TTC34: variants seen among roughly 807,000 people sequenced by gnomAD.
TTC34 encodes the protein tetratricopeptide repeat protein 34.
A neutral mutation model predicts 40.7 loss-of-function variants in TTC34; 44 were observed. That is an observed-to-expected ratio of 1.08 (90% CI 0.85 to 1.39). TTC34 has a LOEUF of 1.39. TTC34 is among the 40% of genes most tolerant of loss of function. The probability of loss-of-function intolerance (pLI) is 0.00; values close to 1 mark genes in which losing one functional copy is unlikely to be tolerated. For missense variants in TTC34, 884 were observed against 838.0 expected (o/e 1.05, Z -0.68); for synonymous variants, 422 against 398.6 (o/e 1.06, Z -0.70).
At chr1:2,785,504 C>G (rs896082679) in intron 5 of TTC34, among the ~76,000 whole-genome samples, 5 of 152,142 alleles carry the variant, frequency 3.3e-5, no homozygotes, top group African/African-American at 1.2e-4. Context: ...GCCTCCTTGT[C>G]ATTAGCTAGG....
chr1:2,752,525 C>A (rs1641357081), intron 6 of TTC34, among the ~76,000 whole-genome samples: 7 of 100,644 alleles, frequency 7.0e-5, no homozygotes, highest in East Asian at 2.9e-4. Context: ...TGGAGCAGCA[C>A]CCACATCCCC....
intron 6 of TTC34, among the ~76,000 whole-genome samples, chr1:2,654,053 C>A (rs1167795234): frequency 2.9e-3 from 220 of 76,232 alleles, no homozygotes; most frequent in South Asian, 7.2e-3. Flanking sequence ...CCCACACCAC[C>A]AGGTGAGCAT....
chr1:2,651,926 CAG>C lies in TTC34; in HGVS notation c.2227-6365_2227-6364del, dbSNP rs575432019. Among the ~76,000 whole-genome samples, 14 of 152,300 alleles carry C rather than the reference CAG, an allele frequency of 9.2e-5. No individual in the cohort carries two copies. The East Asian group carries it at 1.7e-3, about 19-fold the overall frequency. On this transcript the variant is annotated intron_variant, in intron 6 of 8. Coordinates refer to ENST00000401095, the Ensembl canonical transcript of TTC34. ...AGAAACTAAGTTGGCACCCTGCACT[CAG>C]GGGAGCATCTGACAGCCTGAAGCAG...
intron 6 of TTC34, among the ~76,000 whole-genome samples, chr1:2,695,873 C>CATA (rs1640841366): frequency 6.7e-6 from 1 of 149,096 alleles, no homozygotes; most frequent in African/African-American, 2.5e-5. Context: ...GCAGAACCCA[C>CATA]ACCCCGAGGC....
chr1:2,651,064 C>T, intron 6 of TTC34, among the ~76,000 whole-genome samples: 1 of 151,110 alleles, frequency 6.6e-6, no homozygotes, highest in East Asian at 2.0e-4. Flanking sequence ...AACGGTATGT[C>T]ACACCCCCAG....
At position 2,764,143 on chromosome 1, in the gene TTC34, T is replaced by G. The variant is rs1210819931; in HGVS notation, c.2226+19466A>C. On this transcript the variant is annotated intron_variant, in intron 6 of 8. Transcript: ENST00000401095. ...ACAGCCTGGAACAGAACCCCACTCT[T>G]CCAGGTGAGAATCTGACGCATAAAA... Among the ~76,000 whole-genome samples, 24 of 138,444 alleles carry G rather than the reference T, an allele frequency of 1.7e-4. 1 individual carries two copies. Among genetic ancestry groups the G allele is most frequent in the Admixed American group, 1.3e-3 (18 of 13,630 alleles). The allele number at this position is 138,444 out of a possible 152,430, so 90.8% of individuals were successfully genotyped here. A position where few individuals can be genotyped will look rare whatever the true frequency, so the allele number is the denominator to read the frequency against.
rs1399525769 is a variant in TTC34 at position 2,690,996 on chromosome 1, C to T, written c.2227-45433G>A. 5.5e-5 allele frequency among the ~76,000 whole-genome samples: 4 copies of T among 72,424 alleles called. 2 individuals are homozygous for T. The highest frequency in any genetic ancestry group is 2.7e-4 in the Admixed American group (2 of 7,354). 47.5% of individuals were successfully genotyped at this position (72,424 alleles called of 152,430 possible). A position where few individuals can be genotyped will look rare whatever the true frequency, so the allele number is the denominator to read the frequency against. On this transcript the variant is annotated intron_variant, in intron 6 of 8. Transcript: ENST00000401095. ...GCACCCACACCCCTAGGAGAGCATC[C>T]GGCAGCCTGGAGCGGAACCCACACC...
chr1:2,791,154 TG>T (rs1475950433), intron 2 of TTC34, among the ~76,000 whole-genome samples: 2 of 150,740 alleles, frequency 1.3e-5, no homozygotes, highest in Non-Finnish European at 3.0e-5. Flanking sequence ...CACCCCAGTG[TG>T]TCTGAGCAAA....
In TTC34 at chr1:2,748,746, G is replaced by C. The variant is rs1641225548; in HGVS notation, c.2226+34863C>G. Among the ~76,000 whole-genome samples the C allele has an allele frequency of 1.5e-5, 2 of 132,954 alleles. 1 individual carries two copies. Among genetic ancestry groups the C allele is most frequent in the Non-Finnish European group, 3.1e-5 (2 of 65,126 alleles). The allele number at this position is 132,954 out of a possible 152,430, so 87.2% of individuals were successfully genotyped here. A position where few individuals can be genotyped will look rare whatever the true frequency, so the allele number is the denominator to read the frequency against. ...CTCCAGGTGAGCATCTGACAGACTG[G>C]AACAGCACCCACACCCCTAGGAGAG... is the stretch of plus-strand genomic sequence containing the variant. On this transcript the variant is annotated intron_variant, in intron 6 of 8. Transcript: ENST00000401095.
At chr1:2,683,320 A>G (rs1570803919) in intron 6 of TTC34, among the ~76,000 whole-genome samples, 4 of 150,074 alleles carry the variant, frequency 2.7e-5, no homozygotes, top group Non-Finnish European at 1.5e-5. Flanking sequence ...CCCCCAGGTG[A>G]GCATCTGACA....
chr1:2,780,084 A>G (rs913693898), intron 6 of TTC34, among the ~76,000 whole-genome samples: 3 of 152,224 alleles, frequency 2.0e-5, no homozygotes, highest in African/African-American at 7.2e-5. Context: ...ACTGCACTCC[A>G]GCCTGGGTGA....
chr1:2,675,049 G>A (rs1639848199), intron 6 of TTC34, among the ~76,000 whole-genome samples: 5 of 132,982 alleles, frequency 3.8e-5, no homozygotes, highest in South Asian at 2.4e-4. Flanking sequence ...AACCACAGGT[G>A]AGCATCGGAG....
chr1:2,799,158 C>A (rs929472546), intron 2 of TTC34, among the ~76,000 whole-genome samples: 3 of 151,928 alleles, frequency 2.0e-5, no homozygotes, highest in Non-Finnish European at 2.9e-5. Context: ...AGCCTCCCGG[C>A]CCCCCAGCCT....
At chr1:2,783,851 G>T in intron 5 of TTC34, 76 bp from the exon 6 acceptor site, 1 of 1,324,548 alleles carries the variant, frequency 7.5e-7, no homozygotes, top group Non-Finnish European at 9.8e-7. Flanking sequence ...CCCAGCCCGG[G>T]GAGGGCAGAG....
chr1:2,788,663 T>C (rs1351658547), intron 3 of TTC34, among the ~76,000 whole-genome samples: 1 of 152,090 alleles, frequency 6.6e-6, no homozygotes, highest in Non-Finnish European at 1.5e-5. Flanking sequence ...GGTGGCCAGA[T>C]TGTGGTGGGA....
At chr1:2,752,854 C>G (rs1641369991) in intron 6 of TTC34, among the ~76,000 whole-genome samples, 1 of 149,214 alleles carries the variant, frequency 6.7e-6, no homozygotes, top group Non-Finnish European at 1.5e-5. Flanking sequence ...AGCACCCACA[C>G]ACCCAGGCGA....
intron 6 of TTC34, among the ~76,000 whole-genome samples, chr1:2,753,700 C>G (rs1361474756): frequency 5.7e-5 from 6 of 106,112 alleles, no homozygotes; most frequent in Non-Finnish European, 1.1e-4. Flanking sequence ...CCCTGCACCC[C>G]CAGGTGAGCA....
At chr1:2,755,983 C>CA (rs1641492462) in intron 6 of TTC34, among the ~76,000 whole-genome samples, 1 of 63,294 alleles carries the variant, frequency 1.6e-5, no homozygotes, top group Non-Finnish European at 2.7e-5. Context: ...CAGCACCCTG[C>CA]AACCCAGGTG....
At chr1:2,781,277 C>A (rs1263861355) in intron 6 of TTC34, among the ~76,000 whole-genome samples, 2 of 152,152 alleles carry the variant, frequency 1.3e-5, no homozygotes, top group African/African-American at 2.4e-5. Context: ...TGTCCTGGAA[C>A]CAATCCCATG....
Sources: allele counts gnomAD v4.1 joint callset (sites outside exome capture counted in the v4.1 genomes callset), GRCh38; gene constraint gnomAD v4.1.1; transcripts MANE v1.5; gene names NCBI Gene and HGNC (gene_info 2026-07-23, HGNC 2026-07-21).